Variants in AGAP1 observed in about 807,000 individuals in gnomAD.
The protein encoded by AGAP1 is arf-GAP with GTPase, ANK repeat and PH domain-containing protein 1.
In AGAP1, 29 loss-of-function variants were observed where a neutral mutation model predicts 105.3. That is an observed-to-expected ratio of 0.28 (90% CI 0.21 to 0.38). The LOEUF is 0.38. AGAP1 is among the 10% of genes least tolerant of loss of function. AGAP1 has a pLI of 1.00. For synonymous variants in AGAP1, 509 were observed against 485.9 expected, an observed-to-expected ratio of 1.05 and a Z score of -0.63; for missense variants, 998 against 1,165.1, an observed-to-expected ratio of 0.86 and a Z score of 2.09.
At position 235,901,971 on chromosome 2, in the gene AGAP1, A is replaced by G. The variant is rs758409621; in HGVS notation, c.1156-6767A>G. The stretch of plus-strand genomic sequence containing the variant: ...TATTCATCATGTTAGAAATTCAAAC[A>G]AAGAAAATATGTAATCCATTTAAAA... On this transcript the variant is annotated intron_variant, in intron 10 of 17. Coordinates refer to ENST00000304032, the MANE Select transcript of AGAP1 (RefSeq NM_001037131.3). This position sits in a 1 kb window ranked among gnomAD's most constrained non-coding sequence, Gnocchi z 4.3. 6.6e-6 allele frequency among the ~76,000 whole-genome samples: 1 copy of G among 152,258 alleles called. No individual in the cohort carries two copies. The highest frequency in any genetic ancestry group is 1.5e-5 in the Non-Finnish European group (1 of 68,046).
chr2:235,882,488 T>G lies in AGAP1; in HGVS notation c.1051-857T>G. 2 of 1,541,332 alleles carry G rather than the reference T, an allele frequency of 1.3e-6. No individual in the cohort carries two copies. Among genetic ancestry groups the G allele is most frequent in the Non-Finnish European group, 1.8e-6 (2 of 1,120,316 alleles). The stretch of plus-strand genomic sequence containing the variant: ...CGATTCCCCCCACGTCTGGTTTGTC[T>G]GCCATTTTCTTAAAACAATCGGTAC... On this transcript the variant is annotated intron_variant, in intron 9 of 17. Transcript: ENST00000304032. This position sits in a 1 kb window ranked among gnomAD's most constrained non-coding sequence, Gnocchi z 4.6.
At chr2:235,833,510 C>T (rs1036811044) in intron 9 of AGAP1, among the ~76,000 whole-genome samples, 12 of 152,126 alleles carry the variant, frequency 7.9e-5, no homozygotes, top group Admixed American at 2.6e-4. Flanking sequence ...CTCCAAGGCC[C>T]TCATGCTCAC....
chr2:235,829,212 CT>C (rs1331223081), intron 9 of AGAP1, among the ~76,000 whole-genome samples: 1 of 152,218 alleles, frequency 6.6e-6, no homozygotes, highest in Non-Finnish European at 1.5e-5. Context: ...CCCCTGGCCC[CT>C]GGCCTTGTTG....
At chr2:235,627,577 C>A (rs1172980744) in intron 1 of AGAP1, among the ~76,000 whole-genome samples, 2 of 152,130 alleles carry the variant, frequency 1.3e-5, no homozygotes, top group East Asian at 3.9e-4. Context: ...AGCGTCTGAT[C>A]GTCTTGGTAC....
chr2:236,117,255 A>G (rs1269495870), intron 16 of AGAP1, among the ~76,000 whole-genome samples: 1 of 152,222 alleles, frequency 6.6e-6, no homozygotes, highest in Non-Finnish European at 1.5e-5. Flanking sequence ...CATCCACGCC[A>G]ACATCTACCG....
chr2:235,632,923 A>C (rs2149290918), intron 1 of AGAP1, among the ~76,000 whole-genome samples: 1 of 152,308 alleles, frequency 6.6e-6, no homozygotes, highest in African/African-American at 2.4e-5. Flanking sequence ...TTGCTGGCAG[A>C]AAAAGGAAGA....
chr2:235,621,537 C>T lies in AGAP1; in HGVS notation c.164-87642C>T, dbSNP rs559603627. Among the ~76,000 whole-genome samples, 8 of 152,260 alleles carry T rather than the reference C, an allele frequency of 5.3e-5. No individual in the cohort carries two copies. The highest frequency in any genetic ancestry group is 2.1e-4 in the South Asian group (1 of 4,824). ...TGTGAATGTGTCAAGGGCCCTGTCA[C>T]GTCTCTGAGCCGGCTTCTCTGGGCA... On this transcript the variant is annotated intron_variant, in intron 1 of 17. Transcript: ENST00000304032. The surrounding 1 kb of genome is among the most constrained non-coding windows in gnomAD (Gnocchi z 4.1).
At chr2:236,034,595 A>G (rs546254814) in intron 13 of AGAP1, among the ~76,000 whole-genome samples, 93 of 152,244 alleles carry the variant, frequency 6.1e-4, no homozygotes, top group African/African-American at 2.2e-3. Flanking sequence ...GAGAGCACAA[A>G]GGACACCCCC....
rs908321262 is a variant in AGAP1, at chr2:235,771,190, A to G, written c.673+20702A>G. 5.9e-5 allele frequency among the ~76,000 whole-genome samples: 9 copies of G among 152,348 alleles called. No homozygotes were observed. The South Asian group carries it at 6.2e-4, about 11-fold the overall frequency. ...TTGGACTTTGGCGTCCAGAACTTTG[A>G]GAAAATTAAGTTTCTGTTGGGCCAC... On this transcript the variant is annotated intron_variant, in intron 6 of 17. Transcript: ENST00000304032.
Position 235,620,112 on chromosome 2 carries a change from G to A in AGAP1, c.164-89067G>A, listed in dbSNP as rs1349874056. 6.6e-6 allele frequency among the ~76,000 whole-genome samples: 1 copy of A among 152,098 alleles called. No individual in the cohort carries two copies. Among genetic ancestry groups the A allele is most frequent in the Admixed American group, 6.6e-5 (1 of 15,256 alleles). On this transcript the variant is annotated intron_variant, in intron 1 of 17. Transcript: ENST00000304032. This position sits in a 1 kb window ranked among gnomAD's most constrained non-coding sequence, Gnocchi z 4.5. ...TTTGTCACAGCTGAAGCCCTCGCAT[G>A]CTGGAGACTTGTCATTCTTCTCCTG...
At position 236,009,600 on chromosome 2, in the gene AGAP1, A is replaced by C. The variant is rs1318285032; in HGVS notation, c.1646-26961A>C. Among the ~76,000 whole-genome samples, 2 of 152,198 alleles carry C rather than the reference A, an allele frequency of 1.3e-5. No individual in the cohort carries two copies. The highest frequency in any genetic ancestry group is 2.9e-5 in the Non-Finnish European group (2 of 68,028). ...TACAAATTTACGCTCCCTTCTATGA[A>C]TAGAGAGGGCTATTTGTTTCATTCA... is the stretch of plus-strand genomic sequence containing the variant. On this transcript the variant is annotated intron_variant, in intron 13 of 17. Coordinates refer to ENST00000304032, the MANE Select transcript of AGAP1 (RefSeq NM_001037131.3). The surrounding 1 kb of genome is among the most constrained non-coding windows in gnomAD (Gnocchi z 4.2).
intron 9 of AGAP1, among the ~76,000 whole-genome samples, chr2:235,859,457 C>T (rs12474513): frequency 0.46 from 63,163 of 137,142 alleles, 17,081 homozygotes; most frequent in East Asian, 0.72. Flanking sequence ...CCTCTAAAAA[C>T]GACACACTAT....
At chr2:235,749,431 T>A (rs977427096) in intron 5 of AGAP1, among the ~76,000 whole-genome samples, 1 of 151,736 alleles carries the variant, frequency 6.6e-6, no homozygotes, top group African/African-American at 2.4e-5. Flanking sequence ...CCGACATCCC[T>A]GTGCAGCTGC....
rs139051728 is a variant in AGAP1, at chr2:235,864,385, G to A, written c.1051-18960G>A. Among the ~76,000 whole-genome samples the A allele has an allele frequency of 0.011, 1,620 of 152,312 alleles. 34 individuals carry two copies. Among genetic ancestry groups the A allele is most frequent in the African/African-American group, 0.037 (1,532 of 41,574 alleles). ...ATTCTGTTTAATTTTCTTTAGCTAT[G>A]GGAGAAATGGAGTCCATTTCCAGAC... On this transcript the variant is annotated intron_variant, in intron 9 of 17. Coordinates refer to ENST00000304032, the MANE Select transcript of AGAP1 (RefSeq NM_001037131.3). The surrounding 1 kb of genome is among the most constrained non-coding windows in gnomAD (Gnocchi z 5.0).
chr2:235,731,904 G>A (rs1177146569), intron 3 of AGAP1, among the ~76,000 whole-genome samples: 1 of 152,082 alleles, frequency 6.6e-6, no homozygotes, highest in Admixed American at 6.5e-5. Flanking sequence ...CCTACAACCT[G>A]AGCCAACAAC....
At chr2:235,529,519 AG>A (rs1447764272) in intron 1 of AGAP1, among the ~76,000 whole-genome samples, 4 of 152,178 alleles carry the variant, frequency 2.6e-5, no homozygotes, top group Non-Finnish European at 5.9e-5. Context: ...TCTGTGGGAC[AG>A]GGGACAGCTG....
At chr2:236,054,886 G>A (rs1178935834) in intron 16 of AGAP1, among the ~76,000 whole-genome samples, 1 of 152,090 alleles carries the variant, frequency 6.6e-6, no homozygotes. Flanking sequence ...CCCCTCCCCG[G>A]CTGCCCTCCC....
At chr2:235,507,785 C>T (rs753313429) in intron 1 of AGAP1, among the ~76,000 whole-genome samples, 1 of 152,224 alleles carries the variant, frequency 6.6e-6, no homozygotes, top group East Asian at 1.9e-4. Flanking sequence ...GGACACCAGC[C>T]ACCTATGGGC....
In AGAP1 at chr2:236,020,364, A is replaced by G. The variant is rs1031283820; in HGVS notation, c.1646-16197A>G. Among the ~76,000 whole-genome samples the G allele has an allele frequency of 4.6e-5, 7 of 152,238 alleles. No homozygotes were observed. The highest frequency in any genetic ancestry group is 9.6e-5 in the African/African-American group (4 of 41,468). Reference sequence around the variant, plus strand: ...AGAGATTTGAAAAGACGTGTTGCCCATGAAGCATAGGGGGGAATTTAGAAA... The same window carrying G: ...AGAGATTTGAAAAGACGTGTTGCCCGTGAAGCATAGGGGGGAATTTAGAAA... On this transcript the variant is annotated intron_variant, in intron 13 of 17. Transcript: ENST00000304032. This position sits in a 1 kb window ranked among gnomAD's most constrained non-coding sequence, Gnocchi z 5.0.
Sources: allele counts gnomAD v4.1 joint callset (sites outside exome capture counted in the v4.1 genomes callset), GRCh38; gene constraint gnomAD v4.1.1; non-coding constraint Gnocchi (gnomAD v3.1); transcripts MANE v1.5; gene names NCBI Gene and HGNC (gene_info 2026-07-23, HGNC 2026-07-21).